The following VAV1 variants were observed in gnomAD, a reference collection of about 807,000 sequenced individuals.
VAV1 encodes the protein proto-oncogene vav.
Under a neutral mutation model 128.1 loss-of-function variants are expected in VAV1, and 33 were observed. The ratio of observed to expected loss-of-function variants is 0.26; its 90% confidence interval spans 0.20 to 0.34. The LOEUF (loss-of-function observed/expected upper bound fraction) is 0.34, where lower values mean the gene tolerates loss of function less well. Ranked by LOEUF, VAV1 falls within the 10% of genes least tolerant of loss-of-function variation. The probability of loss-of-function intolerance (pLI) is 1.00; values close to 1 mark genes in which losing one functional copy is unlikely to be tolerated. For synonymous variants in VAV1, 394 were observed against 409.8 expected (o/e 0.96, Z 0.47); for missense variants, 715 against 1,093.7 (o/e 0.65, Z 4.88).
rs146018200 is a variant in VAV1, at chr19:6,806,441, A to C, written c.205-14261A>C. ...TCAATGCCGTTTTGGAAGAGAAGCA[A>C]ACTCGTATGTGGGTTTTAAGTATGG... On this transcript the variant is annotated intron_variant, in intron 1 of 26. Coordinates refer to ENST00000602142, the MANE Select transcript of VAV1 (RefSeq NM_005428.4). 6.3e-3 allele frequency among the ~76,000 whole-genome samples: 964 copies of C among 152,146 alleles called. 14 individuals carry two copies. The highest frequency in any genetic ancestry group is 0.022 in the African/African-American group (914 of 41,512).
chr19:6,812,559 C>A (rs906072035), intron 1 of VAV1, among the ~76,000 whole-genome samples: 3 of 152,026 alleles, frequency 2.0e-5, no homozygotes, highest in African/African-American at 7.2e-5. Flanking sequence ...GTTCGAGAGG[C>A]TGAGGCACTT....
At chr19:6,850,545 C>G (rs898588257) in intron 23 of VAV1, 125 bp from the exon 24 acceptor site, 1 of 813,280 alleles carries the variant, frequency 1.2e-6, no homozygotes, top group African/African-American at 1.7e-5. Context: ...GTTGGGACAG[C>G]TTGTCTTTGG....
intron 1 of VAV1, among the ~76,000 whole-genome samples, chr19:6,778,618 C>T (rs1486900981): frequency 1.3e-5 from 2 of 152,106 alleles, no homozygotes; most frequent in Non-Finnish European, 2.9e-5. Flanking sequence ...GCCTGTGGTC[C>T]CAGCTACCCG....
chr19:6,776,608 C>T (rs573669102), intron 1 of VAV1, among the ~76,000 whole-genome samples: 7 of 151,532 alleles, frequency 4.6e-5, no homozygotes, highest in African/African-American at 1.7e-4. Flanking sequence ...ATCCATCCAT[C>T]CATCCATCCA....
At chr19:6,814,671 C>CCTTCCTTCCTTCCTTTCTTT in intron 1 of VAV1, among the ~76,000 whole-genome samples, 1 of 25,796 alleles carries the variant, frequency 3.9e-5, no homozygotes, top group South Asian at 1.4e-3. Flanking sequence ...TTCCTTCCTT[C>CCTTCCTTCCTTCCTTTCTTT]CTTTCTTTCT....
At position 6,772,942 on chromosome 19, in the gene VAV1, G is replaced by T. The variant is rs1209276397; in HGVS notation, c.135G>T (p.Gln45His). Residue 45 changes from glutamine (Q) to histidine (H), a missense_variant, in exon 1 of 27, where the codon CAG becomes CAT. Gln to His is a conservative substitution (Grantham distance 24, BLOSUM62 0). Coordinates refer to ENST00000602142, the MANE Select transcript of VAV1 (RefSeq NM_005428.4). The surrounding 1 kb of genome is among the most constrained non-coding windows in gnomAD (Gnocchi z 4.8). ...TCCGGGATGGTGTCCTTCTGTGTCA[G>T]CTGCTTAACAACCTGCTACCCCATG... Reference protein sequence around the residue: ...QALRDGVLLCQLLNNLLPHAI... With the variant: ...QALRDGVLLCHLLNNLLPHAI... 6.2e-7 allele frequency: 1 copy of T among 1,614,164 alleles called. No individual in the cohort carries two copies.
intron 1 of VAV1, among the ~76,000 whole-genome samples, chr19:6,789,426 A>G (rs951588031): frequency 2.6e-5 from 4 of 151,606 alleles, no homozygotes; most frequent in Non-Finnish European, 5.9e-5. Context: ...CTAATTTTTT[A>G]TATTTTCGTA....
chr19:6,809,263 G>A (rs544296020), intron 1 of VAV1, among the ~76,000 whole-genome samples: 15 of 152,094 alleles, frequency 9.9e-5, no homozygotes, highest in African/African-American at 3.1e-4. Context: ...TTGTAGAGAC[G>A]GGGTCTTGCT....
chr19:6,820,749 G>A lies in VAV1; in HGVS notation c.252G>A (p.Glu84=), dbSNP rs761941077. 1 of 1,614,224 alleles carries A rather than the reference G, an allele frequency of 6.2e-7. No homozygotes were observed. Among genetic ancestry groups the A allele is most frequent in the Non-Finnish European group, 8.5e-7 (1 of 1,180,040 alleles). Reference sequence around the variant, plus strand: ...GAACCTTCCTGTCCACCTGCTGTGAGAAGTTCGGCCTCAAGCGGAGCGAGC... The same window carrying A: ...GAACCTTCCTGTCCACCTGCTGTGAAAAGTTCGGCCTCAAGCGGAGCGAGC... ...NIRTFLSTCC[E]KFGLKRSELF... The change falls in exon 2 of 27, where the codon GAG becomes GAA. Residue 84 remains glutamate (E), a synonymous_variant. Coordinates refer to ENST00000602142, the MANE Select transcript of VAV1 (RefSeq NM_005428.4). The surrounding 1 kb of genome is among the most constrained non-coding windows in gnomAD (Gnocchi z 4.4).
At chr19:6,821,951 T>G in intron 4 of VAV1, 92 bp downstream of exon 4, 3 of 1,530,450 alleles carry the variant, frequency 2.0e-6, no homozygotes, top group Non-Finnish European at 2.7e-6. Context: ...CTCCGGGAAA[T>G]AAGGTCATAC....
intron 1 of VAV1, among the ~76,000 whole-genome samples, chr19:6,794,090 A>G (rs897927826): frequency 1.3e-5 from 2 of 152,152 alleles, no homozygotes; most frequent in Non-Finnish European, 2.9e-5. Context: ...TTACCAATAA[A>G]CCAACGGTAA....
chr19:6,832,653 T>TTCCTCCTCCTCC (rs151222361), intron 15 of VAV1, among the ~76,000 whole-genome samples: 8 of 119,786 alleles, frequency 6.7e-5, no homozygotes, highest in Admixed American at 1.7e-4. Flanking sequence ...CCTCCCCTTC[T>TTCCTCCTCCTCC]TCCTCCTCCT....
At chr19:6,784,695 T>C (rs980380966) in intron 1 of VAV1, among the ~76,000 whole-genome samples, 11 of 152,210 alleles carry the variant, frequency 7.2e-5, no homozygotes, top group African/African-American at 2.6e-4. Flanking sequence ...GGTTTCACCA[T>C]GTTGGCCAAG....
chr19:6,814,637 C>CTCCTTCCTTCCTTCCT (rs1169076080), intron 1 of VAV1, among the ~76,000 whole-genome samples: 968 of 81,916 alleles, frequency 0.012, 117 homozygotes, highest in Non-Finnish European at 0.016. Context: ...TTTTCTTTCT[C>CTCCTTCCTTCCTTCCT]TCCTTCCTTC....
In VAV1 at chr19:6,828,935, T is replaced by A; in HGVS notation, c.1265+35T>A. The A allele has an allele frequency of 6.2e-7, 1 of 1,610,200 alleles. No individual in the cohort carries two copies. The highest frequency in any genetic ancestry group is 2.2e-5 in the East Asian group (1 of 44,756). ...GTCAACATGGATCTGGGATGGAGCC[T>A]GGGCAAAGGGGTGGGACCAGGCTCC... On this transcript the variant is annotated intron_variant, in intron 13 of 26. Transcript: ENST00000602142. This position sits in a 1 kb window ranked among gnomAD's most constrained non-coding sequence, Gnocchi z 4.5.
chr19:6,830,038 C>T lies in VAV1; in HGVS notation c.1398+120C>T, dbSNP rs1794378227. ...ACATGGAAGTGTGTGTTAATCCACT[C>T]AACAGGTGTTTTTTGTTTGTTTGTT... On this transcript the variant is annotated intron_variant, in intron 14 of 26. Coordinates refer to ENST00000602142, the MANE Select transcript of VAV1 (RefSeq NM_005428.4). 5 of 1,460,296 alleles carry T rather than the reference C, an allele frequency of 3.4e-6. No individual in the cohort carries two copies. The South Asian group carries it at 6.3e-5, about 18-fold the overall frequency. 90.5% of individuals were successfully genotyped at this position (1,460,296 alleles called of 1,614,324 possible).
intron 21 of VAV1, among the ~76,000 whole-genome samples, chr19:6,837,302 A>G (rs968473379): frequency 6.6e-6 from 1 of 152,150 alleles, no homozygotes; most frequent in African/African-American, 2.4e-5. Context: ...TGGGTATGGT[A>G]GGGAGGAAGG....
At chr19:6,799,356 G>T (rs1261297179) in intron 1 of VAV1, among the ~76,000 whole-genome samples, 1 of 152,026 alleles carries the variant, frequency 6.6e-6, no homozygotes, top group Non-Finnish European at 1.5e-5. Context: ...TTTTAGTAAA[G>T]ACAGGGTTTC....
chr19:6,813,890 T>TA (rs957363315), intron 1 of VAV1, among the ~76,000 whole-genome samples: 1 of 151,938 alleles, frequency 6.6e-6, no homozygotes, highest in Non-Finnish European at 1.5e-5. Flanking sequence ...CCTGTCTCTA[T>TA]AAAAAATCTT....
Sources: allele counts gnomAD v4.1 joint callset (sites outside exome capture counted in the v4.1 genomes callset), GRCh38; gene constraint gnomAD v4.1.1; non-coding constraint Gnocchi (gnomAD v3.1); transcripts MANE v1.5; gene names NCBI Gene and HGNC (gene_info 2026-07-23, HGNC 2026-07-21).